The following THSD7B variants were observed in gnomAD, a reference collection of about 807,000 sequenced individuals.
THSD7B encodes the protein thrombospondin type 1 domain containing 7B.
In THSD7B, 138 loss-of-function variants were observed where a neutral mutation model predicts 213.6. That is an observed-to-expected ratio of 0.65 (90% CI 0.56 to 0.74). The LOEUF is 0.74. Among genes scored for constraint, THSD7B ranks in the 30% least tolerant of loss-of-function variants. The pLI is 0.00. For synonymous variants in THSD7B, 742 were observed against 687.0 expected, an observed-to-expected ratio of 1.08 and a Z score of -1.25; for missense variants, 1,931 against 1,991.5, an observed-to-expected ratio of 0.97 and a Z score of 0.58.
At chr2:136,937,061 T>A (rs1684746854) in intron 2 of THSD7B, among the ~76,000 whole-genome samples, 1 of 152,136 alleles carries the variant, frequency 6.6e-6, no homozygotes. Context: ...TATTCCGAAC[T>A]GAGAATTTTC....
In THSD7B at chr2:137,272,584, C is replaced by T. The variant is rs1161603107; in HGVS notation, c.2318C>T (p.Ala773Val). The T allele has an allele frequency of 1.2e-6, 2 of 1,611,960 alleles. No homozygotes were observed. The highest frequency in any genetic ancestry group is 1.7e-4 in the Middle Eastern group (1 of 6,044). ...TACAGAATCATCATCCAAGAAGCAG[C>T]CAATGGAGGCCAGGAATGCCCAGAT... ...SRYRIIIQEA[A>V]NGGQECPDTL... is the part of the protein sequence containing the mutation. The change falls in exon 11 of 28, where the codon GCC becomes GTC. Residue 773 changes from alanine (A) to valine (V), a missense_variant. Ala to Val is a moderately conservative substitution (Grantham distance 64). Transcript: ENST00000409968.
chr2:137,339,083 G>A (rs967546128), intron 12 of THSD7B, among the ~76,000 whole-genome samples: 2 of 152,038 alleles, frequency 1.3e-5, no homozygotes, highest in African/African-American at 4.8e-5. Context: ...CTTAGAAATT[G>A]TTGAAGAATA....
At chr2:137,151,233 A>C (rs1679813244) in intron 5 of THSD7B, among the ~76,000 whole-genome samples, 1 of 152,220 alleles carries the variant, frequency 6.6e-6, no homozygotes, top group Non-Finnish European at 1.5e-5. Context: ...ACTTAGCTTA[A>C]AACAAAAACA....
intron 15 of THSD7B, among the ~76,000 whole-genome samples, chr2:137,487,185 G>T (rs1057024413): frequency 2.7e-5 from 4 of 148,408 alleles, no homozygotes; most frequent in Non-Finnish European, 5.9e-5. Flanking sequence ...TGGCTAACAA[G>T]GTGAAACCCC....
intron 2 of THSD7B, among the ~76,000 whole-genome samples, chr2:137,033,902 T>A (rs1280933187): frequency 6.6e-6 from 1 of 152,060 alleles, no homozygotes; most frequent in African/African-American, 2.4e-5. Flanking sequence ...CAACCAGTCA[T>A]TTACATTAGG....
chr2:137,411,539 A>G, intron 13 of THSD7B, 70 bp from the exon 14 acceptor site: 1 of 1,399,348 alleles, frequency 7.1e-7, no homozygotes, highest in Non-Finnish European at 9.8e-7. Flanking sequence ...TTACAAATAC[A>G]AAAGTGTGAG....
chr2:137,359,713 A>G (rs1425970142), intron 12 of THSD7B, among the ~76,000 whole-genome samples: 3 of 152,182 alleles, frequency 2.0e-5, no homozygotes, highest in Non-Finnish European at 2.9e-5. Context: ...GTGAACTTCT[A>G]GGATAACACA....
intron 12 of THSD7B, among the ~76,000 whole-genome samples, chr2:137,400,911 T>A (rs1686340787): frequency 6.6e-6 from 1 of 152,116 alleles, no homozygotes; most frequent in Admixed American, 6.5e-5. Flanking sequence ...GGCCCACTAG[T>A]GGCAGGGGCA....
At chr2:137,211,529 A>G (rs1681112528) in intron 7 of THSD7B, among the ~76,000 whole-genome samples, 1 of 152,054 alleles carries the variant, frequency 6.6e-6, no homozygotes. Flanking sequence ...TAATACTATA[A>G]TGATGTATCT....
At chr2:136,857,059 G>C (rs1683189861) in intron 1 of THSD7B, among the ~76,000 whole-genome samples, 2 of 151,900 alleles carry the variant, frequency 1.3e-5, no homozygotes, top group African/African-American at 4.8e-5. Context: ...TTAGTTCATT[G>C]GTTTTCATTT....
chr2:137,535,410 A>T (rs1680486025), intron 15 of THSD7B, among the ~76,000 whole-genome samples: 1 of 151,798 alleles, frequency 6.6e-6, no homozygotes, highest in Admixed American at 6.6e-5. Context: ...ATTACACGGA[A>T]ATGGAATTCG....
At chr2:137,401,065 C>A (rs1558784609) in intron 12 of THSD7B, among the ~76,000 whole-genome samples, 1 of 152,184 alleles carries the variant, frequency 6.6e-6, no homozygotes. Context: ...GGAGTGGGAT[C>A]TTAAAGCCTA....
intron 12 of THSD7B, among the ~76,000 whole-genome samples, chr2:137,343,738 T>G (rs1241555406): frequency 6.6e-6 from 1 of 151,824 alleles, no homozygotes; most frequent in Admixed American, 6.6e-5. Flanking sequence ...TTTATTTGTT[T>G]TAGAAGAGAG....
chr2:137,470,778 TA>T (rs1475432944), intron 15 of THSD7B, among the ~76,000 whole-genome samples: 2 of 152,184 alleles, frequency 1.3e-5, no homozygotes, highest in Non-Finnish European at 1.5e-5. Context: ...AATATTCCTT[TA>T]AAAATCAGAA....
At chr2:136,900,133 A>G (rs886102430) in intron 2 of THSD7B, among the ~76,000 whole-genome samples, 4 of 152,194 alleles carry the variant, frequency 2.6e-5, no homozygotes, top group Non-Finnish European at 5.9e-5. Flanking sequence ...TCTGAACACC[A>G]TGAATGATCT....
At chr2:136,897,369 C>T (rs180697291) in intron 2 of THSD7B, among the ~76,000 whole-genome samples, 2 of 151,974 alleles carry the variant, frequency 1.3e-5, no homozygotes, top group East Asian at 1.9e-4. Flanking sequence ...CTCGTGGTCT[C>T]GCTGACTTCA....
chr2:137,621,510 T>C (rs962829276), intron 20 of THSD7B, among the ~76,000 whole-genome samples: 1 of 152,106 alleles, frequency 6.6e-6, no homozygotes. Context: ...CAGAAGGCAA[T>C]TGATACTCAG....
intron 17 of THSD7B, among the ~76,000 whole-genome samples, chr2:137,598,277 C>T (rs918847694): frequency 2.6e-5 from 4 of 152,160 alleles, no homozygotes; most frequent in African/African-American, 9.7e-5. Context: ...TCCTCAGATC[C>T]TTGAAATATA....
chr2:136,872,405 A>AT (rs1270557856), intron 1 of THSD7B, among the ~76,000 whole-genome samples: 4 of 149,902 alleles, frequency 2.7e-5, no homozygotes, highest in Non-Finnish European at 5.9e-5. Context: ...GGGACTTTAT[A>AT]TTTTTATTGG....
Sources: allele counts gnomAD v4.1 joint callset (sites outside exome capture counted in the v4.1 genomes callset), GRCh38; gene constraint gnomAD v4.1.1; transcripts MANE v1.5; gene names NCBI Gene and HGNC (gene_info 2026-07-23, HGNC 2026-07-21).